IL24: variants seen among roughly 807,000 people sequenced by gnomAD.
IL24 encodes interleukin 24, also known as interleukin-24.
A neutral mutation model predicts 27.6 loss-of-function variants in IL24; 24 were observed. The ratio of observed to expected loss-of-function variants is 0.87; its 90% CI spans 0.63 to 1.22. The LOEUF (loss-of-function observed/expected upper bound fraction) is 1.22, where lower values mean the gene tolerates loss of function less well. IL24 is among the 50% of genes most tolerant of loss of function. IL24 has a pLI of 0.00. For synonymous variants in IL24, 99 were observed against 93.1 expected (o/e 1.06, Z -0.36); for missense variants, 240 against 237.0 (o/e 1.01, Z -0.08).
chr1:206,897,727 G>A lies in IL24; in HGVS notation c.-102-4G>A. The A allele has an allele frequency of 8.4e-7, 1 of 1,189,522 alleles. No homozygotes were observed. Among genetic ancestry groups the A allele is most frequent in the Non-Finnish European group, 1.2e-6 (1 of 814,008 alleles). 73.7% of individuals were successfully genotyped at this position (1,189,522 alleles called of 1,614,324 possible). ...GAAGTCAATTTTTTTGAGTGTTGAT[G>A]TAGGGACAAGACATGACTGTGATGA... On this transcript the variant is annotated splice_region_variant and splice_polypyrimidine_tract_variant and intron_variant, in intron 1 of 6. Coordinates refer to ENST00000294984, the MANE Select transcript of IL24 (RefSeq NM_006850.3).
intron 6 of IL24, 124 bp downstream of exon 6, chr1:206,902,196 A>G (rs1290255382): frequency 4.8e-6 from 7 of 1,449,558 alleles, no homozygotes; most frequent in Non-Finnish European, 5.4e-6. Flanking sequence ...TTTGCTCCAA[A>G]GCCCCCTGAC....
Position 206,901,992 on chromosome 1 carries a change from A to T in IL24, c.463-6A>T. Reference sequence around the variant, plus strand: ...TTGGCACAACTTCTTTTCCCATGTTATGTAGCAAGAAAATGAGATGTTTTC... The same window carrying T: ...TTGGCACAACTTCTTTTCCCATGTTTTGTAGCAAGAAAATGAGATGTTTTC... On this transcript the variant is annotated splice_polypyrimidine_tract_variant and splice_region_variant and intron_variant, in intron 5 of 6. Transcript: ENST00000294984. 2 of 1,613,954 alleles carry T rather than the reference A, an allele frequency of 1.2e-6. No homozygotes were observed. The highest frequency in any genetic ancestry group is 1.7e-6 in the Non-Finnish European group (2 of 1,179,860).
Position 206,903,069 on chromosome 1 carries a change from C to G in IL24, c.*10C>G. The G allele has an allele frequency of 6.2e-7, 1 of 1,602,480 alleles. No homozygotes were observed. Among genetic ancestry groups the G allele is most frequent in the Non-Finnish European group, 8.6e-7 (1 of 1,169,380 alleles). On this transcript the variant is annotated 3_prime_UTR_variant, in exon 7 of 7. Coordinates refer to ENST00000294984, the MANE Select transcript of IL24 (RefSeq NM_006850.3). ...ATTCTACAAGCTCTGAATGTCTAGACCAGGACCTCCCTCCCCCTGGCACTG... is the reference window on the plus strand; with the variant it reads ...ATTCTACAAGCTCTGAATGTCTAGAGCAGGACCTCCCTCCCCCTGGCACTG...
rs1185888290 is a variant in IL24, at chr1:206,897,513, G to A, written c.-205G>A. On this transcript the variant is annotated 5_prime_UTR_variant, in exon 1 of 7. An upstream start codon of the reference 5' UTR is lost. Coordinates refer to ENST00000294984, the MANE Select transcript of IL24 (RefSeq NM_006850.3). ...ACGGGAACCTTCCACCCACAGCTAT[G>A]CCTCTGATTGGTGAATGGTGAAGGT... 1 of 205,962 alleles carries A rather than the reference G, an allele frequency of 4.9e-6. No homozygotes were observed. The highest frequency in any genetic ancestry group is 9.7e-6 in the Non-Finnish European group (1 of 102,922). 12.8% of individuals were successfully genotyped at this position (205,962 alleles called of 1,614,324 possible).
intron 3 of IL24, among the ~76,000 whole-genome samples, 160 bp downstream of exon 3, chr1:206,899,675 A>C (rs1003781009): frequency 2.0e-5 from 3 of 152,204 alleles, no homozygotes; most frequent in Non-Finnish European, 2.9e-5. Context: ...AAGGCACCAC[A>C]AGCCCCATTT....
intron 6 of IL24, chr1:206,902,584 A>G: frequency 1.0e-6 from 1 of 984,512 alleles, no homozygotes. Context: ...TTTTTGAGGA[A>G]GAGATGCATC....
At position 206,901,610 on chromosome 1, in the gene IL24, G is replaced by A; in HGVS notation, c.420G>A (p.Leu140=). 1 of 1,614,140 alleles carries A rather than the reference G, an allele frequency of 6.2e-7. No homozygotes were observed. Among genetic ancestry groups the A allele is most frequent in the Non-Finnish European group, 8.5e-7 (1 of 1,180,014 alleles). The change falls in exon 5 of 7, where the codon CTG becomes CTA. Residue 140 remains leucine (L), a synonymous_variant. Transcript: ENST00000294984. The part of the protein sequence containing the change: ...EVRTLKSFST[L]ANNFVLIVSQ... Reference sequence around the variant, plus strand: ...GGACTCTGAAGTCATTCTCTACTCTGGCCAACAACTTTGTTCTCATCGTGT... The same window carrying A: ...GGACTCTGAAGTCATTCTCTACTCTAGCCAACAACTTTGTTCTCATCGTGT...
intron 6 of IL24, chr1:206,902,393 A>AGGGGGGG: frequency 2.5e-6 from 1 of 401,758 alleles, no homozygotes; most frequent in Non-Finnish European, 3.3e-6. Flanking sequence ...GAAGGGAGAC[A>AGGGGGGG]CCCCACCCCC....
chr1:206,901,080 C>A (rs1678357160), intron 4 of IL24, among the ~76,000 whole-genome samples: 1 of 152,162 alleles, frequency 6.6e-6, no homozygotes. Flanking sequence ...CTCCTCATTT[C>A]TTCTGTTCTC....
chr1:206,901,869 G>A (rs1678398140), intron 5 of IL24, 129 bp from the exon 6 acceptor site: 1 of 970,462 alleles, frequency 1.0e-6, no homozygotes, highest in Non-Finnish European at 1.6e-6. Flanking sequence ...GTTACCTTGG[G>A]GAATGCAGGA....
chr1:206,902,780 T>C (rs766004532), intron 6 of IL24, 196 bp from the exon 7 acceptor site: 3 of 985,238 alleles, frequency 3.0e-6, no homozygotes, highest in Admixed American at 1.2e-4. Flanking sequence ...CACTAGCCTG[T>C]TTGTCCTCAC....
At chr1:206,902,531 C>A (rs1678430971) in intron 6 of IL24, 1 of 984,224 alleles carries the variant, frequency 1.0e-6, no homozygotes, top group Non-Finnish European at 1.2e-6. Flanking sequence ...AAATTTCATC[C>A]CCAGCCCCCC....
intron 2 of IL24, among the ~76,000 whole-genome samples, chr1:206,898,164 CAAAAAAAAAAAA>C (rs59175256): frequency 5.0e-5 from 5 of 100,030 alleles, no homozygotes; most frequent in African/African-American, 1.1e-4. Flanking sequence ...GAAATTCTGT[CAAAAAAAAAAAA>C]AAAAAAAAAA....
At position 206,897,888 on chromosome 1, in the gene IL24, C is replaced by T. The variant is rs978544452; in HGVS notation, c.44+12C>T. The T allele has an allele frequency of 6.3e-6, 10 of 1,578,818 alleles. No individual in the cohort carries two copies. The highest frequency in any genetic ancestry group is 8.6e-6 in the Non-Finnish European group (10 of 1,159,594). On this transcript the variant is annotated intron_variant, in intron 2 of 6. Transcript: ENST00000294984. ...TGGACTTTAGCCAGGTGCGGTGGCT[C>T]ACACCTGTAATCCCAGAACTTTGGG...
chr1:206,902,244 A>C, intron 6 of IL24, 172 bp downstream of exon 6: 1 of 985,298 alleles, frequency 1.0e-6, no homozygotes, highest in Non-Finnish European at 1.2e-6. Flanking sequence ...AAGCATCGTA[A>C]ACTAAGTGGT....
intron 3 of IL24, among the ~76,000 whole-genome samples, chr1:206,900,044 TAAG>T (rs1399683218): frequency 1.3e-5 from 2 of 152,180 alleles, no homozygotes; most frequent in South Asian, 2.1e-4. Flanking sequence ...GCTCTAAGAA[TAAG>T]AAGAACTCCT....
intron 6 of IL24, chr1:206,902,410 A>G: frequency 1.7e-5 from 1 of 58,066 alleles, no homozygotes; most frequent in Non-Finnish European, 2.6e-5. Context: ...CCCCACCCCC[A>G]CCCCATACAC....
chr1:206,897,726 T>A lies in IL24; in HGVS notation c.-102-5T>A. ...AGAAGTCAATTTTTTTGAGTGTTGA[T>A]GTAGGGACAAGACATGACTGTGATG... On this transcript the variant is annotated splice_region_variant and splice_polypyrimidine_tract_variant and intron_variant, in intron 1 of 6. Transcript: ENST00000294984. 1 of 1,163,500 alleles carries A rather than the reference T, an allele frequency of 8.6e-7. No individual in the cohort carries two copies. The highest frequency in any genetic ancestry group is 1.3e-6 in the Non-Finnish European group (1 of 790,666). 72.1% of individuals were successfully genotyped at this position (1,163,500 alleles called of 1,614,324 possible).
At chr1:206,901,972 A>G (rs764528690) in intron 5 of IL24, 26 bp from the exon 6 acceptor site, 2 of 1,611,888 alleles carry the variant, frequency 1.2e-6, no homozygotes, top group Non-Finnish European at 1.7e-6. Context: ...AAAAATTGGC[A>G]CAACTTCTTT....
Sources: allele counts gnomAD v4.1 joint callset (sites outside exome capture counted in the v4.1 genomes callset), GRCh38; gene constraint gnomAD v4.1.1; transcripts MANE v1.5; gene names NCBI Gene and HGNC (gene_info 2026-07-23, HGNC 2026-07-21).